Variants in PLCG2 observed in about 807,000 individuals in gnomAD.
PLCG2 encodes 1-phosphatidylinositol 4,5-bisphosphate phosphodiesterase gamma-2.
PLCG2 carries 69 observed loss-of-function variants against 175.6 expected under a neutral mutation model. The ratio of observed to expected loss-of-function variants is 0.39; its 90% CI spans 0.32 to 0.48. The LOEUF is 0.48. Among genes scored for constraint, PLCG2 ranks in the 20% least tolerant of loss-of-function variants. The pLI, the probability that PLCG2 is intolerant of heterozygous loss-of-function variation, is 0.91. For missense variants in PLCG2, 1,798 were observed against 1,650.9 expected (o/e 1.09, Z -1.54); for synonymous variants, 827 against 624.0 (o/e 1.33, Z -4.85).
chr16:81,907,780 G>T lies in PLCG2; in HGVS notation c.1557+6G>T. 4 of 1,609,484 alleles carry T rather than the reference G, an allele frequency of 2.5e-6. No individual in the cohort carries two copies. Among genetic ancestry groups the T allele is most frequent in the Non-Finnish European group, 3.4e-6 (4 of 1,176,570 alleles). On this transcript the variant is annotated splice_donor_region_variant and intron_variant, in intron 16 of 32. Transcript: ENST00000564138. ...TGGAGGAGGAAGTGCCCCAGGTAGGGGGACACCCTAGCCACATAGGGAGGA... is the reference window on the plus strand; with the variant it reads ...TGGAGGAGGAAGTGCCCCAGGTAGGTGGACACCCTAGCCACATAGGGAGGA...
intron 2 of PLCG2, among the ~76,000 whole-genome samples, chr16:81,767,146 T>G (rs1008062404): frequency 7.2e-6 from 1 of 138,916 alleles, no homozygotes; most frequent in Non-Finnish European, 1.6e-5. Flanking sequence ...GTTTTTTTTT[T>G]TTTTTTTTTT....
At chr16:81,754,813 G>A (rs1354611707) in intron 1 of PLCG2, among the ~76,000 whole-genome samples, 1 of 152,100 alleles carries the variant, frequency 6.6e-6, no homozygotes, top group Non-Finnish European at 1.5e-5. Flanking sequence ...GGAATAATGT[G>A]TAGGAAATGC....
intron 2 of PLCG2, among the ~76,000 whole-genome samples, chr16:81,849,165 C>G (rs1366089051): frequency 6.6e-6 from 1 of 152,090 alleles, no homozygotes; most frequent in Non-Finnish European, 1.5e-5. Flanking sequence ...CACGGGAAGG[C>G]TTGATCCCAA....
chr16:81,917,314 G>A (rs1368133967), intron 19 of PLCG2, among the ~76,000 whole-genome samples: 3 of 150,836 alleles, frequency 2.0e-5, no homozygotes, highest in Non-Finnish European at 2.9e-5. Flanking sequence ...TGATGGGCAG[G>A]CTGATTCTAC....
At chr16:81,931,443 CT>C in intron 24 of PLCG2, 53 bp from the exon 25 acceptor site, 1 of 1,571,928 alleles carries the variant, frequency 6.4e-7, no homozygotes, top group Non-Finnish European at 8.7e-7. Context: ...GCAGTCTGGT[CT>C]TTGTGGCCCT....
intron 2 of PLCG2, among the ~76,000 whole-genome samples, chr16:81,774,225 C>T (rs1910348252): frequency 1.3e-5 from 2 of 150,306 alleles, no homozygotes; most frequent in African/African-American, 4.9e-5. Flanking sequence ...TGATGCACGC[C>T]TGTAGTCCCA....
At chr16:81,890,788 A>G (rs7202169) in intron 10 of PLCG2, among the ~76,000 whole-genome samples, 60,415 of 152,028 alleles carry the variant, frequency 0.4, 12,609 homozygotes, top group East Asian at 0.67. Context: ...CTGCCCTTTC[A>G]ACATTCTGAT....
intron 3 of PLCG2, among the ~76,000 whole-genome samples, chr16:81,857,180 T>C (rs1044820450): frequency 2.0e-5 from 3 of 152,230 alleles, no homozygotes; most frequent in Admixed American, 2.0e-4. Context: ...TGTTTCCACC[T>C]GTTGATGTCT....
chr16:81,787,079 T>C (rs1353889490), intron 2 of PLCG2, among the ~76,000 whole-genome samples: 1 of 152,232 alleles, frequency 6.6e-6, no homozygotes, highest in Non-Finnish European at 1.5e-5. Context: ...CAGCACACAT[T>C]GATCTCATTC....
At chr16:81,797,921 C>T (rs1911546617) in intron 2 of PLCG2, among the ~76,000 whole-genome samples, 1 of 151,838 alleles carries the variant, frequency 6.6e-6, no homozygotes, top group Non-Finnish European at 1.5e-5. Flanking sequence ...ACCTCTGCCT[C>T]CCGGGTTCAA....
intron 1 of PLCG2, among the ~76,000 whole-genome samples, chr16:81,785,278 T>C (rs1032419295): frequency 6.6e-6 from 1 of 152,132 alleles, no homozygotes; most frequent in Non-Finnish European, 1.5e-5. Flanking sequence ...GGGGCATTTC[T>C]GAACACTCCC....
At chr16:81,818,145 A>G (rs1904634138) in intron 2 of PLCG2, among the ~76,000 whole-genome samples, 1 of 152,128 alleles carries the variant, frequency 6.6e-6, no homozygotes, top group African/African-American at 2.4e-5. Flanking sequence ...TCAGCCAGCT[A>G]GTGTGTTAAG....
intron 2 of PLCG2, among the ~76,000 whole-genome samples, chr16:81,850,850 G>T (rs993629440): frequency 6.6e-6 from 1 of 152,200 alleles, no homozygotes; most frequent in Non-Finnish European, 1.5e-5. Context: ...TCATTCTTCA[G>T]ATCTCCTGCA....
intron 19 of PLCG2, among the ~76,000 whole-genome samples, chr16:81,914,452 G>C (rs1489325321): frequency 1.3e-5 from 2 of 152,208 alleles, no homozygotes; most frequent in African/African-American, 4.8e-5. Context: ...ACTTCAATGG[G>C]ACCGCGTGAA....
chr16:81,919,170 C>T (rs35719880), intron 19 of PLCG2, among the ~76,000 whole-genome samples: 1 of 152,100 alleles, frequency 6.6e-6, no homozygotes, highest in African/African-American at 2.4e-5. Context: ...CACATTTGGC[C>T]TACTCTTGAC....
upstream of PLCG2, chr16:81,779,241 T>G (rs1243706871): frequency 1.3e-5 from 2 of 149,964 alleles, no homozygotes; most frequent in East Asian, 2.0e-4. Context: ...GGCTGGGCGG[T>G]GCGGGGGGCG....
At chr16:81,755,041 C>A (rs12923118) in intron 1 of PLCG2, among the ~76,000 whole-genome samples, 1 of 152,028 alleles carries the variant, frequency 6.6e-6, no homozygotes, top group Non-Finnish European at 1.5e-5. Context: ...TCAAATGGGT[C>A]TGGAAATCCT....
Position 81,912,866 on chromosome 16 carries a change from G to T in PLCG2, c.2054+150G>T, listed in dbSNP as rs4243223. ...AACAACAACCACCACAGCAAAAGCCGCTGCGAGAATGTGCGCTCCTGCGTG... is the reference window on the plus strand; with the variant it reads ...AACAACAACCACCACAGCAAAAGCCTCTGCGAGAATGTGCGCTCCTGCGTG... On this transcript the variant is annotated intron_variant, in intron 19 of 32. Transcript: ENST00000564138. 387,950 of 963,414 alleles carry T rather than the reference G, an allele frequency of 0.4. 83,952 individuals are homozygous for T. The highest frequency in any genetic ancestry group is 0.76 in the East Asian group (25,894 of 34,020). 59.7% of individuals were successfully genotyped at this position (963,414 alleles called of 1,614,324 possible).
chr16:81,746,310 G>C (rs1229941945), intron 1 of PLCG2, among the ~76,000 whole-genome samples: 1 of 152,194 alleles, frequency 6.6e-6, no homozygotes, highest in South Asian at 2.1e-4. Context: ...TTGAGTGCTT[G>C]AGTTTTCGCC....
Sources: allele counts gnomAD v4.1 joint callset (sites outside exome capture counted in the v4.1 genomes callset), GRCh38; gene constraint gnomAD v4.1.1; transcripts MANE v1.5; gene names NCBI Gene and HGNC (gene_info 2026-07-23, HGNC 2026-07-21).